The following SMAD3 variants were observed in gnomAD, a reference collection of about 807,000 sequenced individuals.
SMAD3 encodes MAD homolog 3.
A neutral mutation model predicts 51.8 loss-of-function variants in SMAD3; 12 were observed. The observed-to-expected ratio is 0.23, with a 90% CI of 0.15 to 0.38. SMAD3 has a LOEUF of 0.38. SMAD3 is among the 10% of genes least tolerant of loss of function. The pLI is 1.00. For missense variants in SMAD3, 294 were observed against 565.6 expected (o/e 0.52, Z 4.87); for synonymous variants, 238 against 227.7 (o/e 1.05, Z -0.41).
intron 5 of SMAD3, among the ~76,000 whole-genome samples, chr15:67,171,780 G>C: frequency 6.6e-6 from 1 of 152,172 alleles, no homozygotes; most frequent in Admixed American, 6.5e-5. Context: ...ATATCACCAT[G>C]AGTGCCGGGC....
chr15:67,166,993 A>C, intron 4 of SMAD3, 140 bp downstream of exon 4: 1 of 752,188 alleles, frequency 1.3e-6, no homozygotes, highest in Middle Eastern at 2.2e-4. Context: ...CGCGATGTGC[A>C]AGGGGCAGGG....
intron 1 of SMAD3, among the ~76,000 whole-genome samples, chr15:67,149,198 A>G (rs1294680202): frequency 2.0e-5 from 3 of 152,326 alleles, no homozygotes; most frequent in East Asian, 3.9e-4. Context: ...CTGGTGGCCA[A>G]GAGTGCAGGA....
intron 6 of SMAD3, 91 bp from the exon 7 acceptor site, chr15:67,184,636 C>G (rs1477444670): frequency 3.3e-6 from 5 of 1,502,544 alleles, no homozygotes; most frequent in East Asian, 2.3e-5. Flanking sequence ...AGCAGCTCTG[C>G]TGTTCTGCCT....
intron 1 of SMAD3, among the ~76,000 whole-genome samples, chr15:67,108,279 G>T (rs750726945): frequency 1.3e-5 from 2 of 152,130 alleles, no homozygotes; most frequent in African/African-American, 2.4e-5. Flanking sequence ...GCCACCATGG[G>T]AGAGGTCTGT....
chr15:67,133,871 A>G (rs1344028585), intron 1 of SMAD3, among the ~76,000 whole-genome samples: 1 of 152,132 alleles, frequency 6.6e-6, no homozygotes, highest in Non-Finnish European at 1.5e-5. Flanking sequence ...GACTTGCCTA[A>G]AGTCACATAG....
At position 67,121,912 on chromosome 15, in the gene SMAD3, A is replaced by G. The variant is rs368066532; in HGVS notation, c.207-42983A>G. Among the ~76,000 whole-genome samples, 32 of 152,348 alleles carry G rather than the reference A, an allele frequency of 2.1e-4. No individual in the cohort carries two copies. The East Asian group carries it at 4.6e-3, about 22-fold the overall frequency. On this transcript the variant is annotated intron_variant, in intron 1 of 8. Transcript: ENST00000327367. Reference sequence around the variant, plus strand: ...ATTCCTGCCACTACAGTCTAAGGCTATATTGTCCGATACCTATCCACCACC... The same window carrying G: ...ATTCCTGCCACTACAGTCTAAGGCTGTATTGTCCGATACCTATCCACCACC...
In SMAD3 at chr15:67,175,694, C is replaced by T. The variant is rs185390649; in HGVS notation, c.658+5090C>T. 1.3e-3 allele frequency among the ~76,000 whole-genome samples: 194 copies of T among 152,316 alleles called. 1 individual carries two copies. The highest frequency in any genetic ancestry group is 4.5e-3 in the African/African-American group (186 of 41,562). On this transcript the variant is annotated intron_variant, in intron 5 of 8. Transcript: ENST00000327367. ...GGTTAGGATTCTGGGTGAGACTCCACGCTGACAGGCCCGGCTTCCCCTCTG... is the reference window on the plus strand; with the variant it reads ...GGTTAGGATTCTGGGTGAGACTCCATGCTGACAGGCCCGGCTTCCCCTCTG...
chr15:67,135,744 G>A (rs148215326), intron 1 of SMAD3, among the ~76,000 whole-genome samples: 400 of 152,260 alleles, frequency 2.6e-3, no homozygotes, highest in Non-Finnish European at 4.5e-3. Flanking sequence ...GCATTGCCCT[G>A]CCTTGGCCTG....
At chr15:67,092,478 G>A (rs1010188601) in intron 1 of SMAD3, among the ~76,000 whole-genome samples, 1 of 152,206 alleles carries the variant, frequency 6.6e-6, no homozygotes, top group Admixed American at 6.5e-5. Flanking sequence ...GGAATGCAGA[G>A]TCTCAGGCCC....
chr15:67,155,535 T>C (rs1962259896), intron 1 of SMAD3, among the ~76,000 whole-genome samples: 1 of 152,190 alleles, frequency 6.6e-6, no homozygotes, highest in African/African-American at 2.4e-5. Flanking sequence ...ATGGAACCGA[T>C]GCAAGGAGAC....
At chr15:67,067,385 G>A (rs938325651) in intron 1 of SMAD3, among the ~76,000 whole-genome samples, 4 of 152,180 alleles carry the variant, frequency 2.6e-5, no homozygotes, top group Non-Finnish European at 4.4e-5. Flanking sequence ...GGGGGTGCGG[G>A]TACCTTGGCT....
At chr15:67,068,044 A>G (rs1340055550) in intron 1 of SMAD3, among the ~76,000 whole-genome samples, 1 of 152,200 alleles carries the variant, frequency 6.6e-6, no homozygotes, top group Non-Finnish European at 1.5e-5. Flanking sequence ...ATTGTAAAAC[A>G]GGCAGCTGTG....
At chr15:67,120,892 CGTTA>C (rs1487506069) in intron 1 of SMAD3, among the ~76,000 whole-genome samples, 8 of 152,172 alleles carry the variant, frequency 5.3e-5, no homozygotes, top group African/African-American at 1.9e-4. Flanking sequence ...CATCAGCTAT[CGTTA>C]GTTAGCGTAT....
intron 1 of SMAD3, among the ~76,000 whole-genome samples, chr15:67,095,819 A>C (rs902297096): frequency 2.0e-5 from 3 of 152,222 alleles, no homozygotes; most frequent in Non-Finnish European, 4.4e-5. Flanking sequence ...GGTGTAAACC[A>C]CTGCATCCGG....
At chr15:67,121,661 T>C (rs1463375167) in intron 1 of SMAD3, among the ~76,000 whole-genome samples, 1 of 152,206 alleles carries the variant, frequency 6.6e-6, no homozygotes, top group Non-Finnish European at 1.5e-5. Context: ...ATTTAGTCTA[T>C]ACACCGAGAG....
At chr15:67,092,118 C>G (rs1216265005) in intron 1 of SMAD3, among the ~76,000 whole-genome samples, 1 of 152,134 alleles carries the variant, frequency 6.6e-6, no homozygotes, top group Non-Finnish European at 1.5e-5. Context: ...CCACTACTTG[C>G]TGTGAGAGCC....
At chr15:67,098,734 G>A (rs1341879247) in intron 1 of SMAD3, 6 of 616,662 alleles carry the variant, frequency 9.7e-6, no homozygotes, top group Non-Finnish European at 1.7e-5. Flanking sequence ...GGGGAGGCTT[G>A]CTTTGGTTGT....
chr15:67,150,038 TA>T (rs967346600), intron 1 of SMAD3, among the ~76,000 whole-genome samples: 3 of 152,302 alleles, frequency 2.0e-5, no homozygotes, highest in Admixed American at 2.0e-4. Context: ...GGGCTTCTTT[TA>T]AAAAGAAGAG....
rs182765170 is a variant in SMAD3 at position 67,164,392 on chromosome 15, G to A, written c.207-503G>A. On this transcript the variant is annotated intron_variant, in intron 1 of 8. Coordinates refer to ENST00000327367, the MANE Select transcript of SMAD3 (RefSeq NM_005902.4). ...TTTTTTTCCCCTGACTTTCTAATGT[G>A]CAAGGGAAGACCTGAGTGAATGAGG... 5.7e-3 allele frequency among the ~76,000 whole-genome samples: 867 copies of A among 151,298 alleles called. 6 individuals carry two copies. The highest frequency in any genetic ancestry group is 0.035 in the Middle Eastern group (10 of 284).
Sources: gnomAD v4.1 joint callset for allele counts (sites outside exome capture counted in the v4.1 genomes callset) on GRCh38, gnomAD v4.1.1 for gene constraint, MANE v1.5 for transcripts, NCBI Gene and HGNC (gene_info 2026-07-23, HGNC 2026-07-21) for gene names.